MED12L: variants seen among roughly 807,000 people sequenced by gnomAD.
MED12L encodes the protein mediator of RNA polymerase II transcription subunit 12-like protein.
MED12L carries 60 observed loss-of-function variants against 281.3 expected under a neutral mutation model. That is an observed-to-expected ratio of 0.21 (90% CI 0.17 to 0.26). The LOEUF (loss-of-function observed/expected upper bound fraction) is 0.26, where lower values mean the gene tolerates loss of function less well. Ranked by LOEUF, MED12L falls within the 10% of genes least tolerant of loss-of-function variation. The pLI is 1.00. For synonymous variants in MED12L, 974 were observed against 987.2 expected (o/e 0.99, Z 0.25); for missense variants, 2,146 against 2,680.9 (o/e 0.80, Z 4.41).
chr3:151,270,196 C>CGTGT (rs55920434), intron 16 of MED12L: 15,694 of 129,536 alleles, frequency 0.12, 1,199 homozygotes, highest in Non-Finnish European at 0.13. Flanking sequence ...AGCAAGCTGT[C>CGTGT]GTGTGTGTGT....
intron 8 of MED12L, among the ~76,000 whole-genome samples, chr3:151,163,416 G>C (rs1217215426): frequency 6.6e-6 from 1 of 152,118 alleles, no homozygotes; most frequent in East Asian, 1.9e-4. Context: ...GAAAAAGTTT[G>C]ACAACCCCTT....
At chr3:151,368,083 T>C (rs1436657483) in intron 24 of MED12L, 67 bp from the exon 25 acceptor site, 4 of 1,259,384 alleles carry the variant, frequency 3.2e-6, no homozygotes, top group Middle Eastern at 3.8e-4. Flanking sequence ...TTTAGCTTAA[T>C]AGGAAACCTG....
intron 32 of MED12L, 68 bp downstream of exon 32, chr3:151,380,292 A>T: frequency 9.2e-7 from 1 of 1,092,400 alleles, no homozygotes; most frequent in East Asian, 2.6e-5. Flanking sequence ...TTGCCTTTCA[A>T]ATACTGAGAT....
At chr3:151,183,821 G>GA (rs548444049) in intron 11 of MED12L, among the ~76,000 whole-genome samples, 24 of 151,572 alleles carry the variant, frequency 1.6e-4, no homozygotes, top group Admixed American at 2.6e-4. Context: ...AGATGCAGGA[G>GA]AAAAAAAAAT....
At chr3:151,146,248 T>C (rs1207049668) in intron 5 of MED12L, among the ~76,000 whole-genome samples, 1 of 152,152 alleles carries the variant, frequency 6.6e-6, no homozygotes, top group Non-Finnish European at 1.5e-5. Context: ...TCTGGGGACC[T>C]TCCTGCGCCT....
intron 16 of MED12L, among the ~76,000 whole-genome samples, chr3:151,206,516 G>A (rs542193714): frequency 6.6e-6 from 1 of 151,388 alleles, no homozygotes; most frequent in African/African-American, 2.4e-5. Context: ...TTTATGGAGG[G>A]GAAATTTATA....
In MED12L at chr3:151,229,473, A is replaced by ATT. The variant is rs59434401; in HGVS notation, c.2250+35829_2250+35830dup. Among the ~76,000 whole-genome samples the ATT allele has an allele frequency of 7.6e-3, 684 of 90,056 alleles. 3 individuals carry two copies. Among genetic ancestry groups the ATT allele is most frequent in the Non-Finnish European group, 9.6e-3 (459 of 47,618 alleles). The allele number at this position is 90,056 out of a possible 152,430, so 59.1% of individuals were successfully genotyped here. Reference sequence around the variant, plus strand: ...AGGCTCGTGCCACCATGCCCGGCTAATTTTTTTTTTTTTTTTTTTTTTTGA... The same window carrying ATT: ...AGGCTCGTGCCACCATGCCCGGCTAATTTTTTTTTTTTTTTTTTTTTTTTTGA... On this transcript the variant is annotated intron_variant, in intron 16 of 44. Coordinates refer to ENST00000687756, the MANE Select transcript of MED12L (RefSeq NM_001393769.1).
intron 16 of MED12L, among the ~76,000 whole-genome samples, chr3:151,295,672 T>C (rs1744984741): frequency 6.6e-6 from 1 of 152,236 alleles, no homozygotes. Context: ...AGTTTTAAGC[T>C]GTTTAATCAT....
rs555567717 is a variant in MED12L, at chr3:151,249,763, A to G, written c.2250+56097A>G. Among the ~76,000 whole-genome samples the G allele has an allele frequency of 2.0e-5, 3 of 152,220 alleles. No homozygotes were observed. In the East Asian group the frequency reaches 5.8e-4, roughly 29 times the overall value. ...TGTCCTGGGTTGTTACTTGATCCCA[A>G]TGCCTGGATATTTCCTTCTTTAACA... On this transcript the variant is annotated intron_variant, in intron 16 of 44. Transcript: ENST00000687756.
intron 8 of MED12L, among the ~76,000 whole-genome samples, chr3:151,160,831 G>A (rs971460612): frequency 6.6e-6 from 1 of 152,200 alleles, no homozygotes; most frequent in Non-Finnish European, 1.5e-5. Flanking sequence ...TTGAAAAGGG[G>A]AACCTCTAGT....
At chr3:151,262,709 G>T (rs942317209) in intron 16 of MED12L, among the ~76,000 whole-genome samples, 2 of 152,142 alleles carry the variant, frequency 1.3e-5, no homozygotes, top group Non-Finnish European at 2.9e-5. Flanking sequence ...TTATTTTGTT[G>T]CAAATGGTAA....
chr3:151,370,396 G>A (rs1756024195), intron 26 of MED12L, among the ~76,000 whole-genome samples: 1 of 152,024 alleles, frequency 6.6e-6, no homozygotes, highest in Non-Finnish European at 1.5e-5. Flanking sequence ...ACATGTTTTG[G>A]GCTATAATCT....
chr3:151,106,106 G>C (rs990791705), intron 2 of MED12L, among the ~76,000 whole-genome samples: 1 of 151,956 alleles, frequency 6.6e-6, no homozygotes, highest in African/African-American at 2.4e-5. Context: ...CCTGGTAACT[G>C]GTCCCAATCC....
rs911974104 is a variant in MED12L, at chr3:151,161,638, G to A, written c.1107+1537G>A. On this transcript the variant is annotated intron_variant, in intron 8 of 44. Transcript: ENST00000687756. ...TCTAGGCATCGTTCTAAGTTGCAACGTATGTTATTAAGTCATTTAGTTCTT... is the reference window on the plus strand; with the variant it reads ...TCTAGGCATCGTTCTAAGTTGCAACATATGTTATTAAGTCATTTAGTTCTT... Among the ~76,000 whole-genome samples the A allele has an allele frequency of 3.7e-4, 57 of 152,178 alleles. 2 individuals carry two copies. Among genetic ancestry groups the A allele is most frequent in the African/African-American group, 7.2e-5 (3 of 41,442 alleles).
At chr3:151,171,294 T>C (rs770248504) in intron 11 of MED12L, among the ~76,000 whole-genome samples, 6 of 151,802 alleles carry the variant, frequency 4.0e-5, no homozygotes, top group Non-Finnish European at 7.4e-5. Context: ...AGTTGCTCTC[T>C]TTGCTTTTCA....
At chr3:151,293,435 C>T (rs1744531224) in intron 16 of MED12L, among the ~76,000 whole-genome samples, 1 of 152,118 alleles carries the variant, frequency 6.6e-6, no homozygotes, top group Non-Finnish European at 1.5e-5. Context: ...AAGGTAGTAT[C>T]ACAGGAGCAT....
At chr3:151,318,361 CT>C (rs5853515) in intron 16 of MED12L, among the ~76,000 whole-genome samples, 122,604 of 144,922 alleles carry the variant, frequency 0.85, 51,790 homozygotes, top group Middle Eastern at 0.95. Flanking sequence ...TTCTTTTCTT[CT>C]TTTTTTTTTT....
At chr3:151,396,225 T>C (rs527610006) in intron 39 of MED12L, among the ~76,000 whole-genome samples, 2 of 152,284 alleles carry the variant, frequency 1.3e-5, no homozygotes, top group South Asian at 2.1e-4. Flanking sequence ...TTTTTGGGAA[T>C]CAGCAAAAAT....
At chr3:151,293,530 A>C (rs1744549482) in intron 16 of MED12L, among the ~76,000 whole-genome samples, 6 of 148,388 alleles carry the variant, frequency 4.0e-5, no homozygotes, top group African/African-American at 2.5e-5. Context: ...TGGAGCCCTG[A>C]AGGTGGGCTC....
Sources: allele counts gnomAD v4.1 joint callset (sites outside exome capture counted in the v4.1 genomes callset), GRCh38; gene constraint gnomAD v4.1.1; transcripts MANE v1.5; gene names NCBI Gene and HGNC (gene_info 2026-07-23, HGNC 2026-07-21).